The following VPS35 variants were observed in gnomAD, a reference collection of about 807,000 sequenced individuals.
VPS35 encodes the protein VPS35 retromer complex component.
In VPS35, 21 loss-of-function variants were observed where a neutral mutation model predicts 98.1. The observed-to-expected ratio is 0.21, with a 90% CI of 0.15 to 0.31. The LOEUF is 0.31. Ranked by LOEUF, VPS35 falls within the 10% of genes least tolerant of loss-of-function variation. The probability of loss-of-function intolerance (pLI) is 1.00; values close to 1 mark genes in which losing one functional copy is unlikely to be tolerated. For synonymous variants in VPS35, 268 were observed against 318.2 expected (o/e 0.84, Z 1.68); for missense variants, 554 against 950.8 (o/e 0.58, Z 5.49).
intron 6 of VPS35, 171 bp from the exon 7 acceptor site, chr16:46,677,569 T>G (rs758989853): frequency 1.6e-6 from 1 of 629,332 alleles, no homozygotes; most frequent in Non-Finnish European, 2.8e-6. Context: ...AAGGTCTTGT[T>G]CGGTTGCCCA....
intron 11 of VPS35, 61 bp from the exon 12 acceptor site, chr16:46,671,921 A>G: frequency 6.2e-7 from 1 of 1,601,712 alleles, no homozygotes; most frequent in South Asian, 1.1e-5. Context: ...CAAAGCCATT[A>G]TCAAAAGTGT....
At chr16:46,688,907 T>G in intron 1 of VPS35, 1 of 1,454,780 alleles carries the variant, frequency 6.9e-7, no homozygotes, top group Non-Finnish European at 9.0e-7. Context: ...CCGCCCCGTC[T>G]CTCAGCAACG....
chr16:46,682,277 AAAG>A (rs1966246927), intron 2 of VPS35, 102 bp from the exon 3 acceptor site: 4 of 897,128 alleles, frequency 4.5e-6, no homozygotes, highest in Non-Finnish European at 5.4e-6. Context: ...CATAGTTTTA[AAAG>A]AATACCGCAC....
intron 13 of VPS35, among the ~76,000 whole-genome samples, chr16:46,663,540 C>G (rs1965943584): frequency 6.6e-6 from 1 of 152,254 alleles, no homozygotes; most frequent in African/African-American, 2.4e-5. Flanking sequence ...CACCACCACA[C>G]CCAGCTAATT....
chr16:46,676,678 T>C lies in VPS35; in HGVS notation c.819A>G (p.Glu273=), dbSNP rs768773395. ...AAGGATTCAAAGTCTGGAGGTGAAA[T>C]TCATCAGGGAAAACCTGAAAATCAA... is the stretch of plus-strand genomic sequence containing the variant. ...MECIIQVFPD[E]FHLQTLNPFL... The change falls in exon 8 of 17, where the codon GAA becomes GAG. Residue 273 remains glutamate (E), a synonymous_variant. Coordinates refer to ENST00000299138, the MANE Select transcript of VPS35 (RefSeq NM_018206.6). 1.9e-6 allele frequency: 3 copies of C among 1,612,002 alleles called. No homozygotes were observed. Among genetic ancestry groups the C allele is most frequent in the Admixed American group, 1.7e-5 (1 of 59,950 alleles).
At chr16:46,673,636 G>T (rs1259504027) in intron 10 of VPS35, 1 of 153,246 alleles carries the variant, frequency 6.5e-6, no homozygotes, top group East Asian at 1.9e-4. Context: ...GTTGGAAATA[G>T]TACTGTTGAT....
intron 1 of VPS35, 143 bp from the exon 2 acceptor site, chr16:46,683,749 G>A: frequency 1.2e-6 from 1 of 841,442 alleles, no homozygotes. Flanking sequence ...TTTTGAGACG[G>A]AGTCTAGCTC....
Position 46,660,595 on chromosome 16 carries a change from A to G in VPS35, c.2268T>C (p.Asn756=). 6.2e-7 allele frequency: 1 copy of G among 1,614,064 alleles called. No individual in the cohort carries two copies. The highest frequency in any genetic ancestry group is 8.5e-7 in the Non-Finnish European group (1 of 1,179,990). Residue 756 remains asparagine, a synonymous_variant, in exon 17 of 17, where the codon AAT becomes AAC. Coordinates refer to ENST00000299138, the MANE Select transcript of VPS35 (RefSeq NM_018206.6). ...LIQKIREDLP[N]LESSEETEQI... ...GCTCTGTTTCTTCACTGGATTCAAG[A>G]TTCGGGAGGTCTTCTCGAATCTTTT...
rs1187162257 is a variant in VPS35 at position 46,661,745 on chromosome 16, G to A, written c.2184C>T (p.Ile728=). 1 of 1,611,512 alleles carries A rather than the reference G, an allele frequency of 6.2e-7. No homozygotes were observed. Among genetic ancestry groups the A allele is most frequent in the Non-Finnish European group, 8.5e-7 (1 of 1,177,804 alleles). Residue 728 remains isoleucine (I), a synonymous_variant, in exon 16 of 17, where the codon ATC becomes ATT. Coordinates refer to ENST00000299138, the MANE Select transcript of VPS35 (RefSeq NM_018206.6). The surrounding 1 kb of genome is among the most constrained non-coding windows in gnomAD (Gnocchi z 4.3). ...CATCATTTTCCTTTTCATAAAAATA[G>A]ATATATCTGTTCAGAATTTCTATAA... ...QLFIEILNRY[I]YFYEKENDAV...
At chr16:46,688,901 C>G (rs1966371599) in intron 1 of VPS35, 1 of 1,453,202 alleles carries the variant, frequency 6.9e-7, no homozygotes, top group Non-Finnish European at 9.0e-7. Context: ...GAGAGGCCGC[C>G]CCGTCTCTCA....
intron 12 of VPS35, among the ~76,000 whole-genome samples, chr16:46,670,943 T>C (rs1212169222): frequency 6.6e-6 from 1 of 152,124 alleles, no homozygotes; most frequent in Non-Finnish European, 1.5e-5. Context: ...CATCCAAGAA[T>C]GGTTAAACTA....
chr16:46,685,438 A>C (rs775518587), intron 1 of VPS35, among the ~76,000 whole-genome samples: 9 of 152,228 alleles, frequency 5.9e-5, no homozygotes, highest in African/African-American at 2.2e-4. Flanking sequence ...TTAACTGAAT[A>C]ATGAACAACA....
chr16:46,666,495 C>T (rs1210280188), intron 13 of VPS35, among the ~76,000 whole-genome samples: 1 of 151,672 alleles, frequency 6.6e-6, no homozygotes, highest in Non-Finnish European at 1.5e-5. Flanking sequence ...CTCAAACTCC[C>T]GACCTCAGGT....
intron 13 of VPS35, among the ~76,000 whole-genome samples, chr16:46,663,370 A>C (rs1235847885): frequency 2.0e-5 from 3 of 152,190 alleles, no homozygotes; most frequent in African/African-American, 7.2e-5. Context: ...TTGCAATGTT[A>C]ATGTATTTGG....
At chr16:46,681,003 T>A in intron 4 of VPS35, 150 bp from the exon 5 acceptor site, 1 of 809,080 alleles carries the variant, frequency 1.2e-6, no homozygotes, top group South Asian at 1.7e-5. Flanking sequence ...ATTTAAAATA[T>A]AACCACTGAC....
Position 46,662,134 on chromosome 16 carries a change from C to A in VPS35, c.2067+109G>T, listed in dbSNP as rs111445265. 8.4e-3 allele frequency: 13,348 copies of A among 1,585,496 alleles called. 78 individuals carry two copies. The highest frequency in any genetic ancestry group is 0.011 in the Non-Finnish European group (12,196 of 1,161,170). The stretch of plus-strand genomic sequence containing the variant: ...TTTAACAAAACAAAGCAATTTTGTT[C>A]ATCAGATTTCCAAGCACCCCAAATG... On this transcript the variant is annotated intron_variant, in intron 15 of 16. Coordinates refer to ENST00000299138, the MANE Select transcript of VPS35 (RefSeq NM_018206.6).
chr16:46,660,180 G>A lies in VPS35; in HGVS notation c.*292C>T. The A allele has an allele frequency of 4.5e-6, 1 of 222,412 alleles. No individual in the cohort carries two copies. The highest frequency in any genetic ancestry group is 8.2e-6 in the Non-Finnish European group (1 of 122,660). The allele number at this position is 222,412 out of a possible 1,614,324, so 13.8% of individuals were successfully genotyped here. On this transcript the variant is annotated 3_prime_UTR_variant, in exon 17 of 17. Transcript: ENST00000299138. ...TCATTAGTAGCCAAGATAAGTGCTTGTGGGTTTTGTGTTTTTTTTTTTTTT... is the reference window on the plus strand; with the variant it reads ...TCATTAGTAGCCAAGATAAGTGCTTATGGGTTTTGTGTTTTTTTTTTTTTT...
chr16:46,687,119 C>A (rs1425279974), intron 1 of VPS35, among the ~76,000 whole-genome samples: 1 of 152,158 alleles, frequency 6.6e-6, no homozygotes, highest in Non-Finnish European at 1.5e-5. Flanking sequence ...TAATTATCTC[C>A]ACTTATGTTA....
At chr16:46,688,267 C>T in intron 1 of VPS35, 1 of 981,182 alleles carries the variant, frequency 1.0e-6, no homozygotes, top group Non-Finnish European at 1.2e-6. Flanking sequence ...TTTATTTACA[C>T]AGTGCAGGCT....
Sources: gnomAD v4.1 joint callset for allele counts (sites outside exome capture counted in the v4.1 genomes callset) on GRCh38, gnomAD v4.1.1 for gene constraint, Gnocchi (gnomAD v3.1) non-coding constraint, MANE v1.5 for transcripts, NCBI Gene and HGNC (gene_info 2026-07-23, HGNC 2026-07-21) for gene names.